DCT: variants seen among roughly 807,000 people sequenced by gnomAD.
DCT encodes L-dopachrome tautomerase.
In DCT, 47 loss-of-function variants were observed where a neutral mutation model predicts 53.0. The ratio of observed to expected loss-of-function variants is 0.89; its 90% CI spans 0.70 to 1.13. The LOEUF (loss-of-function observed/expected upper bound fraction) is 1.13. Ranked by LOEUF, DCT falls within the 50% of genes most tolerant of loss-of-function variation. The pLI is 0.00. For synonymous variants in DCT, 244 were observed against 237.0 expected, an observed-to-expected ratio of 1.03 and a Z score of -0.27; for missense variants, 669 against 637.4, an observed-to-expected ratio of 1.05 and a Z score of -0.53.
At chr13:94,539,308 T>C in the DCT span, among the ~76,000 whole-genome samples, 1 of 152,138 alleles carries the variant, frequency 6.6e-6, no homozygotes, top group Non-Finnish European at 1.5e-5. Context: ...ATGGAAAACT[T>C]TTCATGAAGA....
At chr13:94,494,246 G>A in the DCT span, among the ~76,000 whole-genome samples, 4 of 152,048 alleles carry the variant, frequency 2.6e-5, no homozygotes, top group East Asian at 1.9e-4. Flanking sequence ...TGGCCTCCCC[G>A]ATCCTGGCTC....
chr13:94,468,956 T>A lies in DCT; in HGVS notation c.385A>T (p.Asn129Tyr). The A allele has an allele frequency of 1.2e-6, 2 of 1,614,156 alleles. No homozygotes were observed. Among genetic ancestry groups the A allele is most frequent in the Non-Finnish European group, 1.7e-6 (2 of 1,180,026 alleles). The change falls in exon 2 of 8, where the codon AAC (asparagine) becomes TAC (tyrosine). Residue 129 changes from asparagine (N) to tyrosine (Y), a missense_variant. Physicochemically the swap from Asn to Tyr is moderately radical, Grantham distance 143. Transcript: ENST00000377028. ...ERKKPPVIRQ[N>Y]IHSLSPQERE... The stretch of plus-strand genomic sequence containing the variant: ...TCCTGAGGACTCAAGGAATGGATGT[T>A]CTGCCGAATCACTGGTGGTTTCTTC...
At chr13:94,527,180 A>G in the DCT span, among the ~76,000 whole-genome samples, 2 of 152,188 alleles carry the variant, frequency 1.3e-5, no homozygotes, top group Non-Finnish European at 2.9e-5. Context: ...TGCCTCTATG[A>G]ATTCCACCTC....
chr13:94,459,177 C>A (rs915548362), intron 6 of DCT, among the ~76,000 whole-genome samples: 7 of 152,146 alleles, frequency 4.6e-5, no homozygotes, highest in African/African-American at 1.4e-4. Context: ...CCATGCCTGG[C>A]AGTTTTCTTC....
intron 7 of DCT, 129 bp downstream of exon 7, chr13:94,443,307 G>T: frequency 1.4e-6 from 1 of 701,084 alleles, no homozygotes; most frequent in Non-Finnish European, 2.4e-6. Context: ...TAGAAAAATG[G>T]TCAATAAACT....
intron 6 of DCT, among the ~76,000 whole-genome samples, chr13:94,445,152 G>T (rs1273295215): frequency 3.9e-5 from 6 of 152,202 alleles, no homozygotes; most frequent in Non-Finnish European, 1.5e-5. Context: ...TCCAAAGAAG[G>T]CCACACAATG....
the DCT span, among the ~76,000 whole-genome samples, chr13:94,511,888 G>C: frequency 6.6e-6 from 1 of 151,444 alleles, no homozygotes; most frequent in Admixed American, 6.6e-5. Context: ...TAAGAGATGG[G>C]GGTCTTGCTC....
chr13:94,445,210 T>C (rs1252264011), intron 6 of DCT, among the ~76,000 whole-genome samples: 2 of 152,360 alleles, frequency 1.3e-5, no homozygotes, highest in East Asian at 3.9e-4. Context: ...CACTCCCTCA[T>C]TGAAGGTTGG....
At chr13:94,470,023 C>T (rs1403903016) in intron 1 of DCT, among the ~76,000 whole-genome samples, 1 of 151,380 alleles carries the variant, frequency 6.6e-6, no homozygotes, top group Non-Finnish European at 1.5e-5. Flanking sequence ...TGCAATGAGC[C>T]GAGATCATGC....
At chr13:94,527,946 G>A in the DCT span, among the ~76,000 whole-genome samples, 14 of 152,326 alleles carry the variant, frequency 9.2e-5, no homozygotes, top group African/African-American at 3.1e-4. Context: ...GACCGTAAAT[G>A]ACCTGATGAA....
At chr13:94,477,585 G>C (rs1885177155) in intron 1 of DCT, among the ~76,000 whole-genome samples, 2 of 151,998 alleles carry the variant, frequency 1.3e-5, no homozygotes, top group South Asian at 4.1e-4. Context: ...TCAAACCCTA[G>C]CACTGTGCAA....
rs770078570 is a variant in DCT, at chr13:94,440,035, C to G, written c.1423G>C (p.Val475Leu). 1 of 1,614,026 alleles carries G rather than the reference C, an allele frequency of 6.2e-7. No individual in the cohort carries two copies. Among genetic ancestry groups the G allele is most frequent in the African/African-American group, 1.3e-5 (1 of 75,046 alleles). The change falls in exon 8 of 8, where the codon GTA (valine) becomes CTA (leucine). Residue 475 changes from valine (V) to leucine (L), a missense_variant. Transcript: ENST00000377028. ...AAAGCCACCAGTGTTCCCATGACTA[C>G]TAAGAGAGTTGTGGGCCAACCTGGA... ...ETPGWPTTLL[V>L]VMGTLVALVG...
the DCT span, among the ~76,000 whole-genome samples, chr13:94,505,954 C>T: frequency 6.6e-6 from 1 of 152,208 alleles, no homozygotes; most frequent in Non-Finnish European, 1.5e-5. Flanking sequence ...AAGATTACTA[C>T]AGCCCAGCTG....
chr13:94,445,827 T>C (rs1882684173), intron 6 of DCT: 1 of 1,178,078 alleles, frequency 8.5e-7, no homozygotes, highest in Non-Finnish European at 1.2e-6. Context: ...GTGAGCTGAA[T>C]TGGGACCCGC....
At chr13:94,466,187 A>C (rs891142737) in intron 3 of DCT, among the ~76,000 whole-genome samples, 3 of 151,524 alleles carry the variant, frequency 2.0e-5, no homozygotes, top group African/African-American at 7.3e-5. Context: ...AAAGAAGAAA[A>C]AAGAAAAAGA....
the DCT span, among the ~76,000 whole-genome samples, chr13:94,486,941 TAAC>T: frequency 6.6e-6 from 1 of 152,114 alleles, no homozygotes; most frequent in African/African-American, 2.4e-5. Context: ...AGTGCAAAGG[TAAC>T]AAACACACAG....
chr13:94,486,396 A>G, the DCT span, among the ~76,000 whole-genome samples: 26 of 152,314 alleles, frequency 1.7e-4, no homozygotes, highest in East Asian at 5.0e-3. Flanking sequence ...AGCACGTCAG[A>G]ATAGAATTAA....
intron 6 of DCT, among the ~76,000 whole-genome samples, chr13:94,453,902 G>A (rs921544602): frequency 3.3e-5 from 5 of 152,144 alleles, no homozygotes; most frequent in African/African-American, 4.8e-5. Flanking sequence ...TCAGCAGCAT[G>A]AAAACAGACT....
the DCT span, among the ~76,000 whole-genome samples, chr13:94,530,029 A>G: frequency 2.0e-5 from 3 of 152,226 alleles, no homozygotes; most frequent in Non-Finnish European, 4.4e-5. Flanking sequence ...TAGAACATCT[A>G]GAAGAAATGG....
Sources: allele counts gnomAD v4.1 joint callset (sites outside exome capture counted in the v4.1 genomes callset), GRCh38; gene constraint gnomAD v4.1.1; transcripts MANE v1.5; gene names NCBI Gene and HGNC (gene_info 2026-07-23, HGNC 2026-07-21).